TMEM181: variants seen among roughly 807,000 people sequenced by gnomAD.
TMEM181 encodes G protein-coupled receptor 178.
TMEM181 carries 39 observed loss-of-function variants against 71.9 expected under a neutral mutation model. That is an observed-to-expected ratio of 0.54 (90% CI 0.42 to 0.71). The LOEUF (loss-of-function observed/expected upper bound fraction) is 0.71, where lower values mean the gene tolerates loss of function less well. Ranked by LOEUF, TMEM181 falls within the 30% of genes least tolerant of loss-of-function variation. The pLI, the probability that TMEM181 is intolerant of heterozygous loss-of-function variation, is 0.00. For missense variants in TMEM181, 595 were observed against 583.0 expected, an observed-to-expected ratio of 1.02 and a Z score of -0.21; for synonymous variants, 245 against 228.8, an observed-to-expected ratio of 1.07 and a Z score of -0.64.
intron 10 of TMEM181, among the ~76,000 whole-genome samples, chr6:158,613,808 AG>A (rs1266348455): frequency 6.6e-6 from 1 of 152,242 alleles, no homozygotes; most frequent in Non-Finnish European, 1.5e-5. Context: ...CAAATTCTAG[AG>A]GAACTAGGCA....
intron 1 of TMEM181, among the ~76,000 whole-genome samples, chr6:158,550,380 G>A (rs1417960420): frequency 6.6e-6 from 1 of 151,536 alleles, no homozygotes; most frequent in Admixed American, 6.6e-5. Context: ...AGTTTCAGCC[G>A]GGCGCGGTGG....
intron 6 of TMEM181, among the ~76,000 whole-genome samples, chr6:158,596,734 G>A (rs943360090): frequency 1.3e-5 from 2 of 152,152 alleles, no homozygotes; most frequent in Non-Finnish European, 2.9e-5. Context: ...GAATCATGGC[G>A]AGAGGCGAAA....
At position 158,620,998 on chromosome 6, in the gene TMEM181, G is replaced by A. The variant is rs1460491424; in HGVS notation, c.897-2552G>A. ...GGGTGGGAGAGCTTATCACAGGCTC[G>A]AAATGTTTCTGTGTGTCTCTTTGTC... On this transcript the variant is annotated intron_variant, in intron 10 of 16. Transcript: ENST00000684151. The surrounding 1 kb of genome is among the most constrained non-coding windows in gnomAD (Gnocchi z 4.5). Among the ~76,000 whole-genome samples the A allele has an allele frequency of 1.3e-5, 2 of 152,214 alleles. No individual in the cohort carries two copies. The highest frequency in any genetic ancestry group is 2.9e-5 in the Non-Finnish European group (2 of 68,040).
chr6:158,628,224 G>T, intron 13 of TMEM181, 184 bp from the exon 14 acceptor site: 5 of 712,844 alleles, frequency 7.0e-6, no homozygotes, highest in Non-Finnish European at 1.0e-5. Context: ...ACCAGAAGCA[G>T]GGGCTGTGTG....
intron 14 of TMEM181, 83 bp from the exon 15 acceptor site, chr6:158,629,647 A>G: frequency 8.3e-7 from 1 of 1,210,426 alleles, no homozygotes. Context: ...GGGGCTGCTG[A>G]TGGCGGGAGG....
chr6:158,584,658 A>G (rs748111962), intron 4 of TMEM181, among the ~76,000 whole-genome samples: 34 of 152,252 alleles, frequency 2.2e-4, no homozygotes, highest in Non-Finnish European at 4.6e-4. Context: ...TCTGTGCCTC[A>G]CATGAGACAC....
At chr6:158,626,685 A>G (rs943611593) in intron 13 of TMEM181, 24 of 457,138 alleles carry the variant, frequency 5.3e-5, no homozygotes, top group Non-Finnish European at 1.0e-4. Flanking sequence ...TGTGTGTTGT[A>G]TTAGTCTCTG....
chr6:158,562,974 C>T (rs1782271464), intron 1 of TMEM181, among the ~76,000 whole-genome samples: 1 of 152,176 alleles, frequency 6.6e-6, no homozygotes, highest in Non-Finnish European at 1.5e-5. Flanking sequence ...AAACCCTGGG[C>T]CACCTGGCTC....
At chr6:158,557,509 T>TTTA (rs1282324893), upstream of TMEM181, among the ~76,000 whole-genome samples, 1 of 150,546 alleles carries the variant, frequency 6.6e-6, no homozygotes, top group Non-Finnish European at 1.5e-5. Context: ...GCTGTAATTA[T>TTTA]TTATTTATTT....
At chr6:158,562,325 C>T (rs1782227828) in intron 1 of TMEM181, among the ~76,000 whole-genome samples, 1 of 152,122 alleles carries the variant, frequency 6.6e-6, no homozygotes, top group South Asian at 2.1e-4. Flanking sequence ...CGGTGTGGGG[C>T]GTCTCATTTG....
chr6:158,581,597 CA>C (rs1318146067), intron 3 of TMEM181, among the ~76,000 whole-genome samples: 1 of 151,456 alleles, frequency 6.6e-6, no homozygotes, highest in Non-Finnish European at 1.5e-5. Flanking sequence ...ACTGAAAATA[CA>C]AAAAAATTAG....
At chr6:158,580,197 G>A (rs1042023470) in intron 2 of TMEM181, among the ~76,000 whole-genome samples, 2 of 152,172 alleles carry the variant, frequency 1.3e-5, no homozygotes, top group Admixed American at 6.5e-5. Context: ...GGGCGTGGTG[G>A]CGCATGCCTG....
At chr6:158,574,436 TCTTA>T (rs1377896207) in intron 2 of TMEM181, among the ~76,000 whole-genome samples, 2 of 152,278 alleles carry the variant, frequency 1.3e-5, no homozygotes, top group East Asian at 3.9e-4. Context: ...ATATCCATGA[TCTTA>T]CTTGATTTTC....
intron 10 of TMEM181, among the ~76,000 whole-genome samples, chr6:158,619,888 AAGG>A (rs1301130643): frequency 0.063 from 6,543 of 103,972 alleles, 222 homozygotes; most frequent in Non-Finnish European, 0.083. Context: ...AAAAAAAAAA[AAGG>A]AGGATGTCAT....
intron 15 of TMEM181, among the ~76,000 whole-genome samples, chr6:158,630,267 G>A (rs990802440): frequency 3.9e-5 from 6 of 152,112 alleles, no homozygotes; most frequent in Admixed American, 6.5e-5. Context: ...AGGCCAAGGC[G>A]GGAGGATTGT....
At chr6:158,577,205 A>G (rs545420607) in intron 2 of TMEM181, among the ~76,000 whole-genome samples, 2 of 152,346 alleles carry the variant, frequency 1.3e-5, no homozygotes, top group East Asian at 3.9e-4. Flanking sequence ...GCTGTCTTAA[A>G]GGTGCTGAGG....
Position 158,607,277 on chromosome 6 carries a change from A to G in TMEM181, c.607A>G (p.Met203Val). The G allele has an allele frequency of 6.2e-7, 1 of 1,614,228 alleles. No individual in the cohort carries two copies. The highest frequency in any genetic ancestry group is 1.1e-5 in the South Asian group (1 of 91,090). ...TGCGCATTCCCTCCGGAAATTTTCC[A>G]TGAGAGACTGGGGCATCGAGCAGAA... The part of the protein sequence containing the change: ...LFAHSLRKFS[M>V]RDWGIEQKWM... The change falls in exon 8 of 17, where the codon ATG becomes GTG. Residue 203 changes from methionine to valine, a missense_variant. Physicochemically the swap from Met to Val is conservative, Grantham distance 21 (BLOSUM62 1). Coordinates refer to ENST00000684151, the MANE Select transcript of TMEM181 (RefSeq NM_001376852.1).
In TMEM181 at chr6:158,583,998, T is replaced by C. The variant is rs1458605787; in HGVS notation, c.213T>C (p.Asn71=). The change falls in exon 4 of 17, where the codon AAT becomes AAC. Residue 71 remains asparagine (N), a synonymous_variant. Transcript: ENST00000684151. ...QILSNPLSTY[N]QQLWLTCVVE... ...TTTCAAATCCACTGTCTACATACAATCAGCAACTATGGCTGACATGTGTTG... is the reference window on the plus strand; with the variant it reads ...TTTCAAATCCACTGTCTACATACAACCAGCAACTATGGCTGACATGTGTTG... 6.2e-7 allele frequency: 1 copy of C among 1,611,922 alleles called. No individual in the cohort carries two copies. Among genetic ancestry groups the C allele is most frequent in the African/African-American group, 1.3e-5 (1 of 74,890 alleles).
intron 6 of TMEM181, among the ~76,000 whole-genome samples, chr6:158,595,593 A>T (rs1015006415): frequency 6.6e-6 from 1 of 152,260 alleles, no homozygotes; most frequent in East Asian, 1.9e-4. Flanking sequence ...AATACTATAT[A>T]GCGAGGAGAA....
Sources: allele counts gnomAD v4.1 joint callset (sites outside exome capture counted in the v4.1 genomes callset), GRCh38; gene constraint gnomAD v4.1.1; non-coding constraint Gnocchi (gnomAD v3.1); transcripts MANE v1.5; gene names NCBI Gene and HGNC (gene_info 2026-07-23, HGNC 2026-07-21).